ZYG11A: variants seen among roughly 807,000 people sequenced by gnomAD.
ZYG11A encodes the protein protein zyg-11 homolog A.
A neutral mutation model predicts 77.2 loss-of-function variants in ZYG11A; 62 were observed. The observed-to-expected ratio is 0.80, with a 90% confidence interval of 0.65 to 0.99. The LOEUF is 0.99. Ranked by LOEUF, ZYG11A falls within the 50% of genes least tolerant of loss-of-function variation. ZYG11A has a pLI of 0.00. For synonymous variants in ZYG11A, 315 were observed against 324.6 expected (o/e 0.97, Z 0.32); for missense variants, 828 against 896.8 (o/e 0.92, Z 0.98).
intron 11 of ZYG11A, among the ~76,000 whole-genome samples, chr1:52,885,451 G>A (rs1392289876): frequency 2.0e-5 from 3 of 151,822 alleles, no homozygotes; most frequent in East Asian, 1.9e-4. Context: ...TGATCCGCCC[G>A]CCTTGGCCTC....
intron 8 of ZYG11A, among the ~76,000 whole-genome samples, chr1:52,871,717 A>C (rs1459155199): frequency 6.6e-6 from 1 of 152,014 alleles, no homozygotes; most frequent in Non-Finnish European, 1.5e-5. Flanking sequence ...TCAATACTTA[A>C]ATATTTAAGA....
intron 2 of ZYG11A, among the ~76,000 whole-genome samples, chr1:52,855,875 G>A (rs538315844): frequency 2.0e-5 from 3 of 152,240 alleles, no homozygotes; most frequent in Admixed American, 6.5e-5. Context: ...AAAGATATGT[G>A]TACAAATTTT....
intron 1 of ZYG11A, 141 bp from the exon 2 acceptor site, chr1:52,854,324 T>C: frequency 1.3e-6 from 1 of 747,352 alleles, no homozygotes; most frequent in Non-Finnish European, 1.9e-6. Context: ...GGTGGTTTCG[T>C]TACATATAAA....
Position 52,857,200 on chromosome 1 carries a change from G to C in ZYG11A, c.459G>C (p.Trp153Cys), listed in dbSNP as rs745472926. The change falls in exon 3 of 14, where the codon TGG becomes TGC. Residue 153 changes from tryptophan to cysteine, a missense_variant. Physicochemically the swap from Trp to Cys is radical, Grantham distance 215 (BLOSUM62 -2). Transcript: ENST00000371528. ...TAAGTGGACTCTGCAGCAATAGGTG[G>C]ATCCAGCAAAACCTCCAGTGTCTCC... Reference protein sequence around the residue: ...DIISGLCSNRWIQQNLQCLLL... With the variant: ...DIISGLCSNRCIQQNLQCLLL... The C allele has an allele frequency of 2.6e-6, 4 of 1,552,160 alleles. No homozygotes were observed. The highest frequency in any genetic ancestry group is 3.5e-6 in the Non-Finnish European group (4 of 1,147,116).
Position 52,893,018 on chromosome 1 carries a change from A to G in ZYG11A, c.*61A>G, listed in dbSNP as rs1169617603. ...ATGTCAGGTGTTCTGCCCTGGCAGTAATTGCACATCAGTTGTCATTGGAGT... is the reference window on the plus strand; with the variant it reads ...ATGTCAGGTGTTCTGCCCTGGCAGTGATTGCACATCAGTTGTCATTGGAGT... On this transcript the variant is annotated 3_prime_UTR_variant, in exon 14 of 14. Coordinates refer to ENST00000371528, the MANE Select transcript of ZYG11A (RefSeq NM_001004339.3). 58 of 1,425,822 alleles carry G rather than the reference A, an allele frequency of 4.1e-5. No homozygotes were observed. The highest frequency in any genetic ancestry group is 5.4e-5 in the Non-Finnish European group (57 of 1,049,014). 88.3% of individuals were successfully genotyped at this position (1,425,822 alleles called of 1,614,324 possible). A position where few individuals can be genotyped will look rare whatever the true frequency, so the allele number is the denominator to read the frequency against.
At chr1:52,887,478 A>G (rs1310442325) in intron 13 of ZYG11A, among the ~76,000 whole-genome samples, 1 of 152,150 alleles carries the variant, frequency 6.6e-6, no homozygotes, top group Non-Finnish European at 1.5e-5. Flanking sequence ...TTCCTTTAGT[A>G]AAACATGGAC....
At position 52,854,610 on chromosome 1, in the gene ZYG11A, T is replaced by C; in HGVS notation, c.236T>C (p.Leu79Pro). The change falls in exon 2 of 14, where the codon CTC becomes CCC. Residue 79 changes from leucine to proline, a missense_variant. Coordinates refer to ENST00000371528, the MANE Select transcript of ZYG11A (RefSeq NM_001004339.3). ...CCTCAGGAAGTAGCCGAGCGATTTC[T>C]CAGGGTGATGACTTGGCAAGGTAGT... is the stretch of plus-strand genomic sequence containing the variant. ...SFPQEVAERFLRVMTWQGKLT... is the reference protein window; with the variant it reads ...SFPQEVAERFPRVMTWQGKLT... 1 of 1,543,424 alleles carries C rather than the reference T, an allele frequency of 6.5e-7. No individual in the cohort carries two copies. Among genetic ancestry groups the C allele is most frequent in the Non-Finnish European group, 8.8e-7 (1 of 1,140,614 alleles).
Position 52,842,838 on chromosome 1 carries a change from G to T in ZYG11A, c.-46G>T, listed in dbSNP as rs564112606. The T allele has an allele frequency of 6.6e-6, 10 of 1,515,052 alleles. No homozygotes were observed. Among genetic ancestry groups the T allele is most frequent in the Middle Eastern group, 1.8e-4 (1 of 5,424 alleles). 93.9% of individuals were successfully genotyped at this position (1,515,052 alleles called of 1,614,324 possible). On this transcript the variant is annotated 5_prime_UTR_variant, in exon 1 of 14. Coordinates refer to ENST00000371528, the MANE Select transcript of ZYG11A (RefSeq NM_001004339.3). The stretch of plus-strand genomic sequence containing the variant: ...TTGGTTCTCGCGGGATCCGGGCTCC[G>T]GCTCGACGCCGGCTCTCTTTTTGAC...
chr1:52,879,122 A>G (rs1646317779), intron 10 of ZYG11A, among the ~76,000 whole-genome samples: 1 of 152,162 alleles, frequency 6.6e-6, no homozygotes, highest in African/African-American at 2.4e-5. Flanking sequence ...AAGGTATTCT[A>G]CAATTGAGAA....
In ZYG11A at chr1:52,877,744, T is replaced by C; in HGVS notation, c.1605T>C (p.Phe535=). The C allele has an allele frequency of 6.4e-7, 1 of 1,552,156 alleles. No homozygotes were observed. Among genetic ancestry groups the C allele is most frequent in the African/African-American group, 1.4e-5 (1 of 73,178 alleles). Residue 535 remains phenylalanine, a synonymous_variant, in exon 9 of 14, where the codon TTT becomes TTC. Coordinates refer to ENST00000371528, the MANE Select transcript of ZYG11A (RefSeq NM_001004339.3). The part of the protein sequence containing the change: ...TENLDDVTFL[F]TLKALWNLTD... The stretch of plus-strand genomic sequence containing the variant: ...ATTTAGATGATGTCACCTTCTTGTT[T>C]ACTTTGAAAGCACTTTGGAATCTTA...
rs1229160285 is a variant in ZYG11A, at chr1:52,858,010, C to T, written c.1008+261C>T. Among the ~76,000 whole-genome samples, 15 of 151,672 alleles carry T rather than the reference C, an allele frequency of 9.9e-5. No individual in the cohort carries two copies. In the South Asian group the frequency reaches 1.1e-3, roughly 11 times the overall value. On this transcript the variant is annotated intron_variant, in intron 3 of 13. Transcript: ENST00000371528. ...TCATGTTGGTCAGGCTGGTCTCGAACGCCTGACCTCAGGTGATCTGCTTGC... is the reference window on the plus strand; with the variant it reads ...TCATGTTGGTCAGGCTGGTCTCGAATGCCTGACCTCAGGTGATCTGCTTGC...
chr1:52,858,411 T>G (rs2149996522), intron 3 of ZYG11A, among the ~76,000 whole-genome samples: 1 of 151,286 alleles, frequency 6.6e-6, no homozygotes, highest in Non-Finnish European at 1.5e-5. Context: ...GTTCAAGTGA[T>G]TCTCCTGCCT....
chr1:52,857,222 C>T lies in ZYG11A; in HGVS notation c.481C>T (p.Leu161Phe). The T allele has an allele frequency of 6.4e-7, 1 of 1,552,248 alleles. No individual in the cohort carries two copies. The highest frequency in any genetic ancestry group is 8.7e-7 in the Non-Finnish European group (1 of 1,147,138). Residue 161 changes from leucine (L) to phenylalanine (F), a missense_variant, in exon 3 of 14, where the codon CTC becomes TTC. Coordinates refer to ENST00000371528, the MANE Select transcript of ZYG11A (RefSeq NM_001004339.3). ...NRWIQQNLQC[L>F]LLDSTSIPQN... Reference sequence around the variant, plus strand: ...GTGGATCCAGCAAAACCTCCAGTGTCTCCTGTTAGACTCGACAAGCATCCC... The same window carrying T: ...GTGGATCCAGCAAAACCTCCAGTGTTTCCTGTTAGACTCGACAAGCATCCC...
At position 52,854,483 on chromosome 1, in the gene ZYG11A, A is replaced by G; in HGVS notation, c.109A>G (p.Thr37Ala). 6.5e-7 allele frequency: 1 copy of G among 1,548,782 alleles called. No individual in the cohort carries two copies. The highest frequency in any genetic ancestry group is 1.4e-5 in the African/African-American group (1 of 73,104). The part of the protein sequence containing the change: ...CVVQEEASPY[T>A]LVNICLNVLI... ...TTGCTAGGAAGAGGCATCTCCCTAC[A>G]CTTTGGTCAACATCTGCCTGAATGT... The change falls in exon 2 of 14, where the codon ACT becomes GCT. Residue 37 changes from threonine (T) to alanine (A), a missense_variant. By Grantham distance (58) the Thr-to-Ala change is moderately conservative (BLOSUM62 0). Coordinates refer to ENST00000371528, the MANE Select transcript of ZYG11A (RefSeq NM_001004339.3).
At position 52,847,170 on chromosome 1, in the gene ZYG11A, G is replaced by C. The variant is rs930547031; in HGVS notation, c.90+4197G>C. ...CAGCCTCCGCCTCCCAGGTTGAAGC[G>C]ATTCTCCTGCCTCAGCCTCCTGAAT... On this transcript the variant is annotated intron_variant, in intron 1 of 13. Coordinates refer to ENST00000371528, the MANE Select transcript of ZYG11A (RefSeq NM_001004339.3). Among the ~76,000 whole-genome samples, 3 of 151,956 alleles carry C rather than the reference G, an allele frequency of 2.0e-5. No individual in the cohort carries two copies. In the East Asian group the frequency reaches 5.8e-4, roughly 29 times the overall value.
intron 1 of ZYG11A, among the ~76,000 whole-genome samples, chr1:52,849,667 T>C (rs1477378302): frequency 7.2e-6 from 1 of 138,458 alleles, no homozygotes; most frequent in Admixed American, 7.5e-5. Context: ...TGTGCTGGCC[T>C]AGAGTTTCAA....
chr1:52,876,105 G>A (rs528010918), intron 8 of ZYG11A, among the ~76,000 whole-genome samples: 3 of 152,212 alleles, frequency 2.0e-5, no homozygotes, highest in Admixed American at 1.3e-4. Context: ...AATCAAATGA[G>A]GGGAGTGAGA....
At chr1:52,847,732 C>G (rs1278780134) in intron 1 of ZYG11A, among the ~76,000 whole-genome samples, 5 of 149,174 alleles carry the variant, frequency 3.4e-5, no homozygotes, top group Non-Finnish European at 7.4e-5. Flanking sequence ...TGCAGTGGCG[C>G]GATCTCGGTT....
intron 8 of ZYG11A, among the ~76,000 whole-genome samples, chr1:52,870,189 CGGCCGGGAAGAGACGCTCGTCACTTCCT>C (rs1646128698): frequency 1.5e-5 from 1 of 65,664 alleles, no homozygotes; most frequent in Non-Finnish European, 6.3e-5. Context: ...GATGGGATGG[CGGCCGGGAAGAGACGCTCGTCACTTCCT>C]AGATGGGATG....
Sources: allele counts gnomAD v4.1 joint callset (sites outside exome capture counted in the v4.1 genomes callset), GRCh38; gene constraint gnomAD v4.1.1; transcripts MANE v1.5; gene names NCBI Gene and HGNC (gene_info 2026-07-23, HGNC 2026-07-21).